The following JAK1 variants were observed in gnomAD, a reference collection of about 807,000 sequenced individuals.
JAK1 encodes Janus kinase 1, also known as tyrosine-protein kinase JAK1.
Under a neutral mutation model 136.6 loss-of-function variants are expected in JAK1, and 16 were observed. That is an observed-to-expected ratio of 0.12 (90% CI 0.08 to 0.18). JAK1 has a LOEUF of 0.18. Among genes scored for constraint, JAK1 ranks in the 10% least tolerant of loss-of-function variants. JAK1 has a pLI of 1.00. For missense variants in JAK1, 859 were observed against 1,450.1 expected (o/e 0.59, Z 6.62); for synonymous variants, 492 against 519.5 (o/e 0.95, Z 0.72).
chr1:64,977,631 C>T (rs1460666772), intron 2 of JAK1, among the ~76,000 whole-genome samples: 1 of 151,874 alleles, frequency 6.6e-6, no homozygotes, highest in Non-Finnish European at 1.5e-5. Context: ...GGGGGTTTCA[C>T]CGTGTTAGCA....
At position 64,869,882 on chromosome 1, in the gene JAK1, G is replaced by C. The variant is rs72556518; in HGVS notation, c.484-408C>G. On this transcript the variant is annotated intron_variant, in intron 5 of 24. Coordinates refer to ENST00000342505, the MANE Select transcript of JAK1 (RefSeq NM_002227.4). ...GCCTTGTCTAGGAGCTGGGTGTACA[G>C]AGTTGATGGGGCTCTCCCTCCATTC... Among the ~76,000 whole-genome samples the C allele has an allele frequency of 1.3e-4, 20 of 152,316 alleles. No homozygotes were observed. The East Asian group carries it at 3.7e-3, about 28-fold the overall frequency.
At chr1:64,873,242 A>G (rs1657182431) in intron 5 of JAK1, 128 bp downstream of exon 5, 1 of 1,057,470 alleles carries the variant, frequency 9.5e-7, no homozygotes, top group Non-Finnish European at 1.4e-6. Context: ...AGGTGTGGCA[A>G]GAACTTACCC....
intron 1 of JAK1, among the ~76,000 whole-genome samples, chr1:64,945,699 T>C (rs1645972674): frequency 6.6e-6 from 1 of 151,492 alleles, no homozygotes; most frequent in Admixed American, 6.6e-5. Flanking sequence ...GCAAACCTTC[T>C]CAATTTGTAC....
chr1:65,011,826 C>A (rs1646851868), intron 2 of JAK1, among the ~76,000 whole-genome samples: 1 of 152,110 alleles, frequency 6.6e-6, no homozygotes, highest in African/African-American at 2.4e-5. Flanking sequence ...TCTCTTGATC[C>A]CAGGAGTAAA....
chr1:64,856,704 G>A (rs764959383), intron 10 of JAK1, among the ~76,000 whole-genome samples: 4 of 152,176 alleles, frequency 2.6e-5, no homozygotes, highest in Non-Finnish European at 4.4e-5. Flanking sequence ...TCTGAGCCAC[G>A]GAGCCCCGAG....
chr1:64,844,740 G>A lies in JAK1; in HGVS notation c.2251+14C>T. 1.9e-6 allele frequency: 3 copies of A among 1,613,942 alleles called. No individual in the cohort carries two copies. The highest frequency in any genetic ancestry group is 1.7e-6 in the Non-Finnish European group (2 of 1,179,952). On this transcript the variant is annotated intron_variant, in intron 16 of 24. Transcript: ENST00000342505. The surrounding 1 kb of genome is among the most constrained non-coding windows in gnomAD (Gnocchi z 5.7). ...ACTCGGGGTGGGGCCAGAGGGAAGAGAGGGGAGACACACCTTGCCTAGACA... is the reference window on the plus strand; with the variant it reads ...ACTCGGGGTGGGGCCAGAGGGAAGAAAGGGGAGACACACCTTGCCTAGACA...
In JAK1 at chr1:65,006,426, T is replaced by C. The variant is rs192651345; in HGVS notation, c.-78+38054A>G. The stretch of plus-strand genomic sequence containing the variant: ...AGGCTGGAGTGCAGTGGTACTCTCA[T>C]AGCTTACTGTAACCTTGAGCTCCTG... On this transcript the variant is annotated intron_variant, in intron 2 of 25. Coordinates refer to the JAK1 transcript ENST00000671954. Among the ~76,000 whole-genome samples the C allele has an allele frequency of 2.6e-3, 401 of 152,280 alleles. 4 individuals are homozygous for C. The highest frequency in any genetic ancestry group is 9.2e-3 in the African/African-American group (383 of 41,552).
chr1:64,931,498 G>T (rs560160415), intron 1 of JAK1, among the ~76,000 whole-genome samples: 1 of 152,006 alleles, frequency 6.6e-6, no homozygotes, highest in East Asian at 1.9e-4. Flanking sequence ...CCCAACCATG[G>T]CAGTAGGACA....
intron 1 of JAK1, among the ~76,000 whole-genome samples, chr1:64,957,430 G>T (rs1646208065): frequency 6.6e-6 from 1 of 152,224 alleles, no homozygotes; most frequent in South Asian, 2.1e-4. Context: ...CCCACCATAG[G>T]TCTTTGGCAC....
intron 1 of JAK1, among the ~76,000 whole-genome samples, chr1:65,060,032 T>C (rs907495283): frequency 7.9e-5 from 12 of 152,036 alleles, no homozygotes; most frequent in African/African-American, 2.9e-4. Context: ...AAAAACAACA[T>C]TGCCTAAAAT....
At chr1:64,940,689 G>A (rs1645874230) in intron 1 of JAK1, among the ~76,000 whole-genome samples, 1 of 152,104 alleles carries the variant, frequency 6.6e-6, no homozygotes, top group African/African-American at 2.4e-5. Flanking sequence ...AGAGTCAGTA[G>A]GTGGTGAAAT....
At chr1:64,868,372 C>T (rs1201033166) in intron 6 of JAK1, among the ~76,000 whole-genome samples, 1 of 152,088 alleles carries the variant, frequency 6.6e-6, no homozygotes, top group African/African-American at 2.4e-5. Flanking sequence ...GGCTTCAGAA[C>T]AGTAGAAAAT....
intron 2 of JAK1, among the ~76,000 whole-genome samples, chr1:65,014,613 A>G (rs1185614490): frequency 2.6e-5 from 4 of 152,158 alleles, no homozygotes; most frequent in African/African-American, 9.7e-5. Context: ...AGTAGCTGCA[A>G]TGGAAGCCAA....
At chr1:64,999,709 T>G (rs1646735506) in intron 2 of JAK1, among the ~76,000 whole-genome samples, 1 of 148,514 alleles carries the variant, frequency 6.7e-6, no homozygotes, top group African/African-American at 2.5e-5. Context: ...CACTCCAGCC[T>G]GGGCAACAGA....
At chr1:64,968,154 G>A (rs1225734387), upstream of JAK1, among the ~76,000 whole-genome samples, 1 of 152,154 alleles carries the variant, frequency 6.6e-6, no homozygotes, top group African/African-American at 2.4e-5. Context: ...AAAAAGGAAA[G>A]TCAGGAAGGC....
At chr1:64,940,650 G>A (rs780346879) in intron 1 of JAK1, among the ~76,000 whole-genome samples, 1 of 152,032 alleles carries the variant, frequency 6.6e-6, no homozygotes, top group Non-Finnish European at 1.5e-5. Context: ...AAGAAAATGA[G>A]GTTAAGACGG....
At chr1:64,940,546 G>A (rs1220014443) in intron 1 of JAK1, among the ~76,000 whole-genome samples, 1 of 151,916 alleles carries the variant, frequency 6.6e-6, no homozygotes, top group East Asian at 1.9e-4. Context: ...CCAATTCTGG[G>A]GCTCAAGTGA....
At chr1:64,969,176 AC>A (rs1216201481), upstream of JAK1, among the ~76,000 whole-genome samples, 3 of 151,500 alleles carry the variant, frequency 2.0e-5, no homozygotes, top group African/African-American at 7.3e-5. Context: ...CCATGCAAAA[AC>A]TTTTGCCTAA....
chr1:64,967,081 A>G (rs1015456394), upstream of JAK1, among the ~76,000 whole-genome samples: 1 of 152,004 alleles, frequency 6.6e-6, no homozygotes, highest in African/African-American at 2.4e-5. Context: ...AAGCATATGC[A>G]TAATAGGAAT....
Sources: allele counts gnomAD v4.1 joint callset (sites outside exome capture counted in the v4.1 genomes callset), GRCh38; gene constraint gnomAD v4.1.1; non-coding constraint Gnocchi (gnomAD v3.1); transcripts MANE v1.5; gene names NCBI Gene and HGNC (gene_info 2026-07-23, HGNC 2026-07-21).